Variants in SLC25A13 observed in about 807,000 individuals in gnomAD.
SLC25A13 encodes electrogenic aspartate/glutamate antiporter SLC25A13, mitochondrial.
In SLC25A13, 70 loss-of-function variants were observed where a neutral mutation model predicts 85.5. That is an observed-to-expected ratio of 0.82 (90% CI 0.68 to 1.00). The LOEUF (loss-of-function observed/expected upper bound fraction) is 1.00, where lower values mean the gene tolerates loss of function less well. SLC25A13 is among the 50% of genes least tolerant of loss of function. The pLI, the probability that SLC25A13 is intolerant of heterozygous loss-of-function variation, is 0.00. For synonymous variants in SLC25A13, 259 were observed against 288.7 expected (o/e 0.90, Z 1.04); for missense variants, 765 against 819.8 (o/e 0.93, Z 0.82).
chr7:96,197,232 C>T (rs961910364), intron 5 of SLC25A13, among the ~76,000 whole-genome samples: 2 of 152,156 alleles, frequency 1.3e-5, no homozygotes, highest in Admixed American at 1.3e-4. Context: ...AAGATAAAAA[C>T]TCAATTTGCA....
At chr7:96,271,892 T>C (rs1025597317) in intron 3 of SLC25A13, among the ~76,000 whole-genome samples, 8 of 151,974 alleles carry the variant, frequency 5.3e-5, no homozygotes, top group Non-Finnish European at 1.0e-4. Context: ...TATTTTATTT[T>C]ATTTTATTTT....
intron 11 of SLC25A13, among the ~76,000 whole-genome samples, chr7:96,172,533 G>A (rs1252266768): frequency 3.3e-5 from 5 of 151,668 alleles, no homozygotes; most frequent in Non-Finnish European, 5.9e-5. Context: ...ACTCCAGCCC[G>A]GCAATGGAGC....
At position 96,131,732 on chromosome 7, in the gene SLC25A13, G is replaced by C. The variant is rs1013572793; in HGVS notation, c.1591+11C>G. 6.2e-7 allele frequency: 1 copy of C among 1,613,706 alleles called. No homozygotes were observed. The highest frequency in any genetic ancestry group is 2.2e-5 in the East Asian group (1 of 44,858). On this transcript the variant is annotated intron_variant, in intron 15 of 17. Coordinates refer to ENST00000265631, the MANE Select transcript of SLC25A13 (RefSeq NM_014251.3). ...TCAGGGAAGTAAGAGAACTCCATGGGGGACACTCACCAGCTATGGCACCAG... is the reference window on the plus strand; with the variant it reads ...TCAGGGAAGTAAGAGAACTCCATGGCGGACACTCACCAGCTATGGCACCAG...
Position 96,290,082 on chromosome 7 carries a change from C to T in SLC25A13, c.69+6816G>A, listed in dbSNP as rs573162007. On this transcript the variant is annotated intron_variant, in intron 2 of 17. Coordinates refer to ENST00000265631, the MANE Select transcript of SLC25A13 (RefSeq NM_014251.3). ...GATCTCTCGACAGAAACTGATCTCC[C>T]GACAGATCTCTGGCCAGAAGAGAGT... Among the ~76,000 whole-genome samples, 13 of 152,266 alleles carry T rather than the reference C, an allele frequency of 8.5e-5. No homozygotes were observed. The South Asian group carries it at 1.5e-3, about 17-fold the overall frequency.
intron 15 of SLC25A13, among the ~76,000 whole-genome samples, chr7:96,123,003 T>G (rs556146359): frequency 2.6e-5 from 4 of 152,198 alleles, no homozygotes; most frequent in Non-Finnish European, 4.4e-5. Flanking sequence ...CTACATTTCA[T>G]CCTTCTAACA....
At chr7:96,283,013 C>G (rs1048717169) in intron 2 of SLC25A13, among the ~76,000 whole-genome samples, 21 of 152,026 alleles carry the variant, frequency 1.4e-4, no homozygotes, top group African/African-American at 3.9e-4. Context: ...TGTTCCCACC[C>G]AAAATAAATA....
At chr7:96,240,178 GTA>G (rs5885948) in intron 3 of SLC25A13, among the ~76,000 whole-genome samples, 124,747 of 151,852 alleles carry the variant, frequency 0.82, 51,429 homozygotes, top group Admixed American at 0.87. Flanking sequence ...TATGGAAAAA[GTA>G]GGTTAAGTAA....
At chr7:96,208,505 C>CTTT (rs34151128) in intron 5 of SLC25A13, among the ~76,000 whole-genome samples, 63 of 139,728 alleles carry the variant, frequency 4.5e-4, no homozygotes, top group Non-Finnish European at 8.4e-4. Flanking sequence ...ACCCTTTTAA[C>CTTT]TTTTTTTTTT....
At chr7:96,265,758 C>G (rs1324963746) in intron 3 of SLC25A13, among the ~76,000 whole-genome samples, 1 of 152,126 alleles carries the variant, frequency 6.6e-6, no homozygotes, top group Non-Finnish European at 1.5e-5. Context: ...GTTATTATAA[C>G]AAAATATCCT....
At chr7:96,255,917 T>A (rs1459467822) in intron 3 of SLC25A13, among the ~76,000 whole-genome samples, 1 of 152,108 alleles carries the variant, frequency 6.6e-6, no homozygotes, top group African/African-American at 2.4e-5. Flanking sequence ...TAGGGGCCAA[T>A]ATTCAACATT....
chr7:96,260,860 A>G (rs1327664968), intron 3 of SLC25A13, among the ~76,000 whole-genome samples: 1 of 152,130 alleles, frequency 6.6e-6, no homozygotes, highest in African/African-American at 2.4e-5. Context: ...CAAATCAGCC[A>G]GGCAAAACCT....
intron 13 of SLC25A13, among the ~76,000 whole-genome samples, chr7:96,154,996 C>T (rs555743984): frequency 7.2e-5 from 11 of 152,086 alleles, no homozygotes; most frequent in African/African-American, 2.2e-4. Flanking sequence ...AGATAGGCTT[C>T]GCCATGTTGC....
At chr7:96,223,773 G>A (rs1433422253) in intron 4 of SLC25A13, among the ~76,000 whole-genome samples, 1 of 130,776 alleles carries the variant, frequency 7.6e-6, no homozygotes. Flanking sequence ...GGGCAACAGA[G>A]CGAGACTCCA....
At chr7:96,290,626 A>G (rs1352583640) in intron 2 of SLC25A13, among the ~76,000 whole-genome samples, 1 of 152,054 alleles carries the variant, frequency 6.6e-6, no homozygotes, top group East Asian at 1.9e-4. Flanking sequence ...AGGGGTTGCA[A>G]TCTTAGTCTC....
At chr7:96,192,972 G>C in intron 6 of SLC25A13, 65 bp downstream of exon 6, 2 of 1,544,774 alleles carry the variant, frequency 1.3e-6, no homozygotes, top group Non-Finnish European at 1.8e-6. Context: ...TAACTTATAA[G>C]AATTGTTTTT....
At chr7:96,293,781 C>G (rs901107232) in intron 2 of SLC25A13, among the ~76,000 whole-genome samples, 1 of 152,198 alleles carries the variant, frequency 6.6e-6, no homozygotes, top group African/African-American at 2.4e-5. Context: ...CAGGAAACAA[C>G]AGGAGCTGGA....
chr7:96,306,799 T>C (rs1270505839), intron 1 of SLC25A13: 3 of 1,349,862 alleles, frequency 2.2e-6, no homozygotes, highest in Non-Finnish European at 3.2e-6. Context: ...CCCTATCATC[T>C]CTACCCCCAG....
intron 3 of SLC25A13, among the ~76,000 whole-genome samples, chr7:96,276,852 T>G (rs1226407471): frequency 1.3e-5 from 2 of 152,196 alleles, no homozygotes; most frequent in African/African-American, 4.8e-5. Context: ...CATAGAGCTA[T>G]GTTGTACATT....
chr7:96,297,834 A>C (rs1799404770), intron 1 of SLC25A13, among the ~76,000 whole-genome samples: 1 of 152,210 alleles, frequency 6.6e-6, no homozygotes, highest in Admixed American at 6.5e-5. Context: ...ATATTTTAGA[A>C]ATACAAGTGG....
Sources: allele counts gnomAD v4.1 joint callset (sites outside exome capture counted in the v4.1 genomes callset), GRCh38; gene constraint gnomAD v4.1.1; transcripts MANE v1.5; gene names NCBI Gene and HGNC (gene_info 2026-07-23, HGNC 2026-07-21).